Variants in UBE2D1 observed in about 807,000 individuals in gnomAD.
The protein encoded by UBE2D1 is ubiquitin conjugating enzyme E2 D1, also known as ubiquitin-conjugating enzyme E2 D1.
UBE2D1 carries 9 observed loss-of-function variants against 24.6 expected under a neutral mutation model. The observed-to-expected ratio is 0.37, with a 90% CI of 0.22 to 0.64. The LOEUF (loss-of-function observed/expected upper bound fraction) is 0.64, where lower values mean the gene tolerates loss of function less well. Ranked by LOEUF, UBE2D1 falls within the 30% of genes least tolerant of loss-of-function variation. The pLI is 0.64. For synonymous variants in UBE2D1, 57 were observed against 57.6 expected (o/e 0.99, Z 0.04); for missense variants, 87 against 177.1 (o/e 0.49, Z 2.89).
rs1840022045 is a variant in UBE2D1 at position 58,346,767 on chromosome 10, G to T, written c.24+11542G>T. 2.0e-5 allele frequency among the ~76,000 whole-genome samples: 3 copies of T among 152,184 alleles called. No individual in the cohort carries two copies. The South Asian group carries it at 6.2e-4, about 32-fold the overall frequency. ...GAAAACATCGAAGAGGTTTGACATG[G>T]CTCTTCAAGAAGATGATTTTGGCAG... is the stretch of plus-strand genomic sequence containing the variant. On this transcript the variant is annotated intron_variant, in intron 1 of 6. Coordinates refer to ENST00000373910, the MANE Select transcript of UBE2D1 (RefSeq NM_003338.5).
At chr10:58,366,026 T>C (rs544366853) in intron 5 of UBE2D1, among the ~76,000 whole-genome samples, 1 of 152,314 alleles carries the variant, frequency 6.6e-6, no homozygotes, top group African/African-American at 2.4e-5. Context: ...ATATAGATTC[T>C]CATATTCTTT....
intron 1 of UBE2D1, among the ~76,000 whole-genome samples, chr10:58,338,314 A>G (rs1184358735): frequency 6.6e-6 from 1 of 152,224 alleles, no homozygotes; most frequent in Non-Finnish European, 1.5e-5. Flanking sequence ...TAAACTAACT[A>G]TACTAGAATA....
rs1248613181 is a variant in UBE2D1, at chr10:58,368,912, A to G, written c.*147A>G. The G allele has an allele frequency of 2.2e-6, 1 of 461,876 alleles. No individual in the cohort carries two copies. The highest frequency in any genetic ancestry group is 3.5e-5 in the East Asian group (1 of 28,234). 28.6% of individuals were successfully genotyped at this position (461,876 alleles called of 1,614,324 possible). A position where few individuals can be genotyped will look rare whatever the true frequency, so the allele number is the denominator to read the frequency against. On this transcript the variant is annotated 3_prime_UTR_variant, in exon 7 of 7. Coordinates refer to ENST00000373910, the MANE Select transcript of UBE2D1 (RefSeq NM_003338.5). ...ATTTTAAATGTGTTTCTGAAGCAAG[A>G]CAAAACAAACTTCCAAAAATACCCT...
rs1840306398 is a variant in UBE2D1 at position 58,370,666 on chromosome 10, A to C, written c.*1901A>C. 6.6e-6 allele frequency: 1 copy of C among 151,204 alleles called. No homozygotes were observed. Among genetic ancestry groups the C allele is most frequent in the Non-Finnish European group, 1.5e-5 (1 of 67,594 alleles). The allele number at this position is 151,204 out of a possible 1,614,324, so 9.4% of individuals were successfully genotyped here. ...TCTTGAATATCTTCACTTTAAACAAAAAAAAAAAACAACTTTCATTTGTGT... is the reference window on the plus strand; with the variant it reads ...TCTTGAATATCTTCACTTTAAACAACAAAAAAAAACAACTTTCATTTGTGT... On this transcript the variant is annotated 3_prime_UTR_variant, in exon 7 of 7. Coordinates refer to ENST00000373910, the MANE Select transcript of UBE2D1 (RefSeq NM_003338.5).
Position 58,335,216 on chromosome 10 carries a change from G to T in UBE2D1, c.15G>T (p.Arg5Ser). ...ATCCCTGACCCATGGCGCTGAAGAGGATTCAGAAAGTGAGTGCCGGGGCCG... is the reference window on the plus strand; with the variant it reads ...ATCCCTGACCCATGGCGCTGAAGAGTATTCAGAAAGTGAGTGCCGGGGCCG... MALK[R>S]IQKELSDLQR... Residue 5 changes from arginine (R) to serine (S), a missense_variant, in exon 1 of 7, where the codon AGG becomes AGT. Transcript: ENST00000373910. The T allele has an allele frequency of 6.5e-7, 1 of 1,547,270 alleles. No homozygotes were observed. Among genetic ancestry groups the T allele is most frequent in the Non-Finnish European group, 8.7e-7 (1 of 1,149,150 alleles).
chr10:58,364,921 A>G, intron 5 of UBE2D1, 45 bp downstream of exon 5: 1 of 1,474,744 alleles, frequency 6.8e-7, no homozygotes, highest in Non-Finnish European at 9.4e-7. Context: ...ACAGTGAGAC[A>G]GGAAAAATAC....
rs77890731 is a variant in UBE2D1 at position 58,356,953 on chromosome 10, G to A, written c.25-4385G>A. ...AAAAGCATGGCCATGAAGAGTTCTT[G>A]GCAGGAAGCCTGGGGGGCTTATGAA... On this transcript the variant is annotated intron_variant, in intron 1 of 6. Coordinates refer to ENST00000373910, the MANE Select transcript of UBE2D1 (RefSeq NM_003338.5). Among the ~76,000 whole-genome samples the A allele has an allele frequency of 2.0e-5, 3 of 152,238 alleles. No individual in the cohort carries two copies. In the South Asian group the frequency reaches 6.2e-4, roughly 32 times the overall value.
intron 1 of UBE2D1, among the ~76,000 whole-genome samples, chr10:58,347,214 G>C (rs1338131736): frequency 6.6e-6 from 1 of 152,216 alleles, no homozygotes; most frequent in Non-Finnish European, 1.5e-5. Context: ...GAGGGATCTA[G>C]ACAGAAGGAG....
At chr10:58,355,788 G>A (rs1263644024) in intron 1 of UBE2D1, among the ~76,000 whole-genome samples, 1 of 152,086 alleles carries the variant, frequency 6.6e-6, no homozygotes. Context: ...TAACCACTGT[G>A]CAGTTAAACA....
At position 58,369,977 on chromosome 10, in the gene UBE2D1, C is replaced by T. The variant is rs1055147950; in HGVS notation, c.*1212C>T. The T allele has an allele frequency of 6.6e-6, 1 of 151,556 alleles. No homozygotes were observed. The highest frequency in any genetic ancestry group is 2.4e-5 in the African/African-American group (1 of 41,306). The allele number at this position is 151,556 out of a possible 1,614,324, so 9.4% of individuals were successfully genotyped here. A position where few individuals can be genotyped will look rare whatever the true frequency, so the allele number is the denominator to read the frequency against. On this transcript the variant is annotated 3_prime_UTR_variant, in exon 7 of 7. Coordinates refer to ENST00000373910, the MANE Select transcript of UBE2D1 (RefSeq NM_003338.5). The stretch of plus-strand genomic sequence containing the variant: ...AATGCCCCCACCCTGATGTAATTGA[C>T]ATTACATTTCTTAACATTTTAAAAT...
intron 2 of UBE2D1, 30 bp downstream of exon 2, chr10:58,361,431 C>T (rs765418078): frequency 6.2e-7 from 1 of 1,614,098 alleles, no homozygotes; most frequent in Admixed American, 1.7e-5. Context: ...TGGGATTATG[C>T]TACCTTTAAA....
chr10:58,351,019 T>C (rs1229587206), intron 1 of UBE2D1, among the ~76,000 whole-genome samples: 3 of 152,124 alleles, frequency 2.0e-5, no homozygotes, highest in Non-Finnish European at 2.9e-5. Context: ...AGTAAAAATA[T>C]AGTATAAAAG....
intron 1 of UBE2D1, among the ~76,000 whole-genome samples, chr10:58,360,645 G>A (rs1404815948): frequency 6.6e-6 from 1 of 152,166 alleles, no homozygotes; most frequent in Non-Finnish European, 1.5e-5. Flanking sequence ...AATGAGCTGG[G>A]TGCAGTGGCT....
intron 6 of UBE2D1, 28 bp downstream of exon 6, chr10:58,368,044 T>C: frequency 6.7e-7 from 1 of 1,492,730 alleles, no homozygotes; most frequent in Non-Finnish European, 9.3e-7. Flanking sequence ...TTAGTTTCTG[T>C]ATGGATACAT....
At chr10:58,355,661 T>C (rs1275281336) in intron 1 of UBE2D1, among the ~76,000 whole-genome samples, 1 of 152,152 alleles carries the variant, frequency 6.6e-6, no homozygotes, top group Non-Finnish European at 1.5e-5. Flanking sequence ...AAGTTTTAGA[T>C]TGTATATAAA....
At chr10:58,356,269 T>C (rs912309147) in intron 1 of UBE2D1, among the ~76,000 whole-genome samples, 5 of 152,148 alleles carry the variant, frequency 3.3e-5, no homozygotes, top group Non-Finnish European at 7.4e-5. Context: ...AACAATTTGT[T>C]GTGTATCCTT....
intron 3 of UBE2D1, among the ~76,000 whole-genome samples, chr10:58,363,333 CTG>C (rs1840220934): frequency 6.6e-6 from 1 of 152,114 alleles, no homozygotes. Flanking sequence ...AGTCACAGCA[CTG>C]TGTGTGTCCT....
chr10:58,359,926 C>G (rs914120374), intron 1 of UBE2D1, among the ~76,000 whole-genome samples: 2 of 152,146 alleles, frequency 1.3e-5, no homozygotes, highest in African/African-American at 2.4e-5. Context: ...TATCTTGTTG[C>G]CACTTCTCCA....
intron 6 of UBE2D1, 61 bp downstream of exon 6, chr10:58,368,077 C>T (rs181014873): frequency 7.1e-6 from 8 of 1,123,602 alleles, no homozygotes; most frequent in African/African-American, 1.5e-5. Context: ...TGCCAAAACA[C>T]GAATATTATC....
Sources: gnomAD v4.1 joint callset for allele counts (sites outside exome capture counted in the v4.1 genomes callset) on GRCh38, gnomAD v4.1.1 for gene constraint, MANE v1.5 for transcripts, NCBI Gene and HGNC (gene_info 2026-07-23, HGNC 2026-07-21) for gene names.